Variants in AFG2A observed in about 807,000 individuals in gnomAD.
AFG2A encodes the protein AAA ATPase AFG2A, also known as ATPase family gene 2 protein homolog A.
the AFG2A span, among the ~76,000 whole-genome samples, chr4:123,093,978 A>T: frequency 1.3e-5 from 2 of 152,178 alleles, no homozygotes; most frequent in African/African-American, 4.8e-5. Flanking sequence ...AATAGCTTTA[A>T]GTCTTCTAGA....
At chr4:122,977,501 T>G in the AFG2A span, among the ~76,000 whole-genome samples, 1 of 152,106 alleles carries the variant, frequency 6.6e-6, no homozygotes, top group Non-Finnish European at 1.5e-5. Flanking sequence ...CCTGGAAGCT[T>G]GGAGATGTTG....
the AFG2A span, chr4:123,255,995 G>T: frequency 6.2e-7 from 1 of 1,613,306 alleles, no homozygotes; most frequent in Non-Finnish European, 8.5e-7. Context: ...GTTAATTCAT[G>T]TTGCCTCATT....
At chr4:123,237,401 T>TGG in the AFG2A span, among the ~76,000 whole-genome samples, 1 of 151,722 alleles carries the variant, frequency 6.6e-6, no homozygotes, top group Non-Finnish European at 1.5e-5. Context: ...AATTACGGGC[T>TGG]GGGCATGATG....
chr4:123,268,510 TA>T, the AFG2A span, among the ~76,000 whole-genome samples: 3 of 152,204 alleles, frequency 2.0e-5, no homozygotes, highest in African/African-American at 7.2e-5. Context: ...TGAAAGCCTC[TA>T]CCAAGTGTCT....
the AFG2A span, among the ~76,000 whole-genome samples, chr4:123,142,191 T>G: frequency 6.6e-6 from 1 of 152,224 alleles, no homozygotes; most frequent in Non-Finnish European, 1.5e-5. Flanking sequence ...TAATTATCAC[T>G]GAACATGACC....
the AFG2A span, among the ~76,000 whole-genome samples, chr4:122,925,835 A>C: frequency 6.6e-6 from 1 of 152,242 alleles, no homozygotes; most frequent in African/African-American, 2.4e-5. Context: ...ACTTGTGAAC[A>C]AAAGTGCCTA....
chr4:122,995,574 T>C, the AFG2A span, among the ~76,000 whole-genome samples: 12 of 152,150 alleles, frequency 7.9e-5, no homozygotes, highest in Admixed American at 1.3e-4. Context: ...TGTTGGGCTT[T>C]TATAAAGGAG....
At chr4:123,170,011 A>G in the AFG2A span, among the ~76,000 whole-genome samples, 3 of 152,164 alleles carry the variant, frequency 2.0e-5, no homozygotes, top group Non-Finnish European at 4.4e-5. Flanking sequence ...TCTGGGTAGA[A>G]ACAGAGTTAG....
At chr4:123,200,591 G>A in the AFG2A span, among the ~76,000 whole-genome samples, 1 of 152,174 alleles carries the variant, frequency 6.6e-6, no homozygotes, top group Non-Finnish European at 1.5e-5. Flanking sequence ...CATACCACAA[G>A]CTTGGCCTTC....
chr4:123,070,019 T>C, the AFG2A span, among the ~76,000 whole-genome samples: 69 of 152,154 alleles, frequency 4.5e-4, no homozygotes, highest in Non-Finnish European at 7.5e-4. Context: ...AATTTGATAC[T>C]TTGAACCATA....
chr4:123,047,514 T>A, the AFG2A span, among the ~76,000 whole-genome samples: 3 of 152,192 alleles, frequency 2.0e-5, no homozygotes, highest in African/African-American at 7.2e-5. Context: ...ATTCTGTAGA[T>A]TGTCTCTTCA....
the AFG2A span, among the ~76,000 whole-genome samples, chr4:123,235,586 G>A: frequency 2.0e-5 from 3 of 152,316 alleles, no homozygotes; most frequent in South Asian, 4.1e-4. Flanking sequence ...GATAGAATAA[G>A]TGTAGTATGG....
At chr4:123,028,676 T>G in the AFG2A span, among the ~76,000 whole-genome samples, 12 of 152,318 alleles carry the variant, frequency 7.9e-5, no homozygotes, top group East Asian at 1.3e-3. Context: ...TAATCTTTTT[T>G]TTTGTTTGTT....
At chr4:123,092,675 C>T in the AFG2A span, among the ~76,000 whole-genome samples, 1 of 152,312 alleles carries the variant, frequency 6.6e-6, no homozygotes, top group East Asian at 1.9e-4. Flanking sequence ...AGACTGAAAA[C>T]ACAGTGTTGG....
At chr4:123,107,965 T>C in the AFG2A span, among the ~76,000 whole-genome samples, 3,244 of 152,250 alleles carry the variant, frequency 0.021, 66 homozygotes, top group Non-Finnish European at 0.035. Flanking sequence ...CAGGAGGGCT[T>C]CCCAGGCCCC....
chr4:123,226,660 T>C, the AFG2A span, among the ~76,000 whole-genome samples: 7 of 152,148 alleles, frequency 4.6e-5, no homozygotes, highest in Admixed American at 4.6e-4. Flanking sequence ...GGGATATTAG[T>C]CTAAAATTCT....
chr4:123,070,486 A>G, the AFG2A span, among the ~76,000 whole-genome samples: 2 of 152,148 alleles, frequency 1.3e-5, no homozygotes, highest in Non-Finnish European at 2.9e-5. Flanking sequence ...GTGCTGTCAT[A>G]TTTGATATCT....
chr4:123,177,192 ATTTTT>A, the AFG2A span, among the ~76,000 whole-genome samples: 1 of 130,240 alleles, frequency 7.7e-6, no homozygotes, highest in Non-Finnish European at 1.6e-5. Context: ...GCTTGATTTG[ATTTTT>A]TTTTTTTTTT....
chr4:123,104,615 A>G, the AFG2A span, among the ~76,000 whole-genome samples: 1 of 152,224 alleles, frequency 6.6e-6, no homozygotes, highest in Admixed American at 6.5e-5. Context: ...TGCTAAGGAA[A>G]AGTTCTTGAA....
Sources: allele counts gnomAD v4.1 joint callset (sites outside exome capture counted in the v4.1 genomes callset), GRCh38; gene constraint gnomAD v4.1.1; transcripts MANE v1.5; gene names NCBI Gene and HGNC (gene_info 2026-07-23, HGNC 2026-07-21).